Variants in PTPRD observed in about 807,000 individuals in gnomAD.
PTPRD encodes receptor-type tyrosine-protein phosphatase delta.
Under a neutral mutation model 214.5 loss-of-function variants are expected in PTPRD, and 34 were observed. The observed-to-expected ratio is 0.16, with a 90% CI of 0.12 to 0.21. The LOEUF (loss-of-function observed/expected upper bound fraction) is 0.21, where lower values mean the gene tolerates loss of function less well. PTPRD is among the 10% of genes least tolerant of loss of function. The pLI is 1.00. For missense variants in PTPRD, 2,545 were observed against 2,398.7 expected (o/e 1.06, Z -1.27); for synonymous variants, 1,128 against 845.7 (o/e 1.33, Z -5.79).
intron 2 of PTPRD, among the ~76,000 whole-genome samples, chr9:10,522,859 T>C (rs2052816526): frequency 6.6e-6 from 1 of 152,012 alleles, no homozygotes; most frequent in Non-Finnish European, 1.5e-5. Context: ...AATAGAAATA[T>C]TAATTATTTT....
chr9:9,156,572 C>G lies in PTPRD; in HGVS notation c.-143+26732G>C, dbSNP rs1324283860. ...TTAGACCAAGTTGTCTATAGGAATACCAAGAGATTATGTATAAATATATGG... is the reference window on the plus strand; with the variant it reads ...TTAGACCAAGTTGTCTATAGGAATAGCAAGAGATTATGTATAAATATATGG... On this transcript the variant is annotated intron_variant, in intron 10 of 45. Coordinates refer to ENST00000381196, the MANE Select transcript of PTPRD (RefSeq NM_002839.4). Among the ~76,000 whole-genome samples the G allele has an allele frequency of 2.0e-5, 3 of 152,052 alleles. No homozygotes were observed. The East Asian group carries it at 5.8e-4, about 29-fold the overall frequency.
At chr9:10,458,858 G>C (rs1240013487) in intron 2 of PTPRD, among the ~76,000 whole-genome samples, 2 of 152,026 alleles carry the variant, frequency 1.3e-5, no homozygotes, top group Admixed American at 6.6e-5. Flanking sequence ...AAATCAACAT[G>C]CAAAACATCA....
chr9:9,420,547 G>C (rs1469003364), intron 8 of PTPRD, among the ~76,000 whole-genome samples: 2 of 151,782 alleles, frequency 1.3e-5, no homozygotes, highest in Admixed American at 6.6e-5. Flanking sequence ...GAATAACTTT[G>C]GGTCTAACAA....
At position 8,918,835 on chromosome 9, in the gene PTPRD, A is replaced by G. The variant is rs147119752; in HGVS notation, c.-104+99862T>C. Among the ~76,000 whole-genome samples the G allele has an allele frequency of 3.8e-3, 573 of 152,286 alleles. 5 individuals are homozygous for G. The highest frequency in any genetic ancestry group is 0.013 in the African/African-American group (555 of 41,554). On this transcript the variant is annotated intron_variant, in intron 11 of 45. Transcript: ENST00000381196. ...TTTCTCTAACACAACAGATTGTATT[A>G]CTATGGCCATTTGCACGGGCTAATT... is the stretch of plus-strand genomic sequence containing the variant.
chr9:10,036,877 ATTATTTAT>A (rs59177466), intron 3 of PTPRD, among the ~76,000 whole-genome samples: 7 of 107,260 alleles, frequency 6.5e-5, no homozygotes, highest in Middle Eastern at 4.7e-3. Context: ...CCAAATTTTT[ATTATTTAT>A]TTATTTATTT....
chr9:8,501,527 T>C (rs2097406783), intron 23 of PTPRD, among the ~76,000 whole-genome samples: 2 of 152,212 alleles, frequency 1.3e-5, no homozygotes, highest in Non-Finnish European at 2.9e-5. Context: ...TTACATACAG[T>C]ACTCATTTGT....
chr9:10,167,952 A>G (rs2099169655), intron 3 of PTPRD, among the ~76,000 whole-genome samples: 1 of 152,194 alleles, frequency 6.6e-6, no homozygotes, highest in East Asian at 1.9e-4. Flanking sequence ...GTGCATTGCA[A>G]CTTGAGTTTC....
At chr9:10,180,430 A>G (rs987565653) in intron 3 of PTPRD, among the ~76,000 whole-genome samples, 1 of 152,002 alleles carries the variant, frequency 6.6e-6, no homozygotes, top group Non-Finnish European at 1.5e-5. Context: ...ACCAGCTCAA[A>G]TAAATGTGAA....
At chr9:9,712,379 C>T (rs760182218) in intron 7 of PTPRD, among the ~76,000 whole-genome samples, 1 of 151,842 alleles carries the variant, frequency 6.6e-6, no homozygotes, top group Non-Finnish European at 1.5e-5. Context: ...GGAACATAAA[C>T]TTTGATTGTA....
intron 11 of PTPRD, among the ~76,000 whole-genome samples, chr9:8,928,908 T>A (rs1361516272): frequency 6.6e-6 from 1 of 152,188 alleles, no homozygotes; most frequent in African/African-American, 2.4e-5. Flanking sequence ...GTCCTTCGCA[T>A]CCCTCGTAAG....
At chr9:8,415,763 G>A (rs893736931) in intron 35 of PTPRD, among the ~76,000 whole-genome samples, 1 of 152,096 alleles carries the variant, frequency 6.6e-6, no homozygotes, top group African/African-American at 2.4e-5. Context: ...GGAGGACGAT[G>A]ACCATGAAAA....
chr9:10,434,826 C>T (rs1046929881), intron 2 of PTPRD, among the ~76,000 whole-genome samples: 7 of 151,840 alleles, frequency 4.6e-5, no homozygotes, highest in African/African-American at 1.7e-4. Context: ...CTGTTTTCTG[C>T]CACTTTTATG....
intron 8 of PTPRD, among the ~76,000 whole-genome samples, chr9:9,489,286 G>A (rs1004566922): frequency 4.6e-5 from 7 of 152,122 alleles, no homozygotes; most frequent in Non-Finnish European, 7.3e-5. Flanking sequence ...CCAAAAAATA[G>A]CAGACGCTGT....
At chr9:8,815,084 G>C (rs10977307) in intron 11 of PTPRD, among the ~76,000 whole-genome samples, 1 of 151,544 alleles carries the variant, frequency 6.6e-6, no homozygotes, top group African/African-American at 2.4e-5. Context: ...CACATTTAAA[G>C]GTGACATCAC....
At chr9:8,440,685 TAG>T (rs2095518674) in intron 34 of PTPRD, among the ~76,000 whole-genome samples, 1 of 152,130 alleles carries the variant, frequency 6.6e-6, no homozygotes, top group Non-Finnish European at 1.5e-5. Flanking sequence ...CTCCACAATA[TAG>T]AGTCAACATG....
chr9:10,228,675 A>T (rs183443766), intron 3 of PTPRD, among the ~76,000 whole-genome samples: 2,313 of 151,112 alleles, frequency 0.015, 58 homozygotes, highest in African/African-American at 0.052. Context: ...GGTAATTTTT[A>T]AAAAAAGTAA....
chr9:9,519,890 C>A (rs1401071836), intron 8 of PTPRD, among the ~76,000 whole-genome samples: 2 of 151,968 alleles, frequency 1.3e-5, no homozygotes, highest in African/African-American at 4.8e-5. Context: ...GCTGGAAAAG[C>A]CTTGCTCCAC....
At chr9:8,766,274 T>C (rs1485466737) in intron 11 of PTPRD, among the ~76,000 whole-genome samples, 6 of 151,982 alleles carry the variant, frequency 3.9e-5, no homozygotes, top group African/African-American at 9.7e-5. Context: ...GGGTTTCCTC[T>C]GGGTACTTGG....
chr9:9,331,376 G>A (rs949262807), intron 9 of PTPRD, among the ~76,000 whole-genome samples: 3 of 151,908 alleles, frequency 2.0e-5, no homozygotes, highest in Non-Finnish European at 2.9e-5. Flanking sequence ...ATTCTTTCTC[G>A]GGATAATTCA....
Sources: allele counts gnomAD v4.1 joint callset (sites outside exome capture counted in the v4.1 genomes callset), GRCh38; gene constraint gnomAD v4.1.1; transcripts MANE v1.5; gene names NCBI Gene and HGNC (gene_info 2026-07-23, HGNC 2026-07-21).